Variants in MIPOL1 observed in about 807,000 individuals in gnomAD.
MIPOL1 encodes mirror-image polydactyly 1.
In MIPOL1, 57 loss-of-function variants were observed where a neutral mutation model predicts 60.9. That is an observed-to-expected ratio of 0.94 (90% CI 0.76 to 1.17). The LOEUF is 1.17. Ranked by LOEUF, MIPOL1 falls within the 50% of genes most tolerant of loss-of-function variation. The probability of loss-of-function intolerance (pLI) is 0.00; values close to 1 mark genes in which losing one functional copy is unlikely to be tolerated. For synonymous variants in MIPOL1, 179 were observed against 168.8 expected, an observed-to-expected ratio of 1.06 and a Z score of -0.47; for missense variants, 551 against 511.6, an observed-to-expected ratio of 1.08 and a Z score of -0.74.
chr14:37,375,162 T>A (rs1462208707), intron 10 of MIPOL1, among the ~76,000 whole-genome samples: 1 of 152,082 alleles, frequency 6.6e-6, no homozygotes, highest in Admixed American at 6.6e-5. Flanking sequence ...TGGGAGTTCA[T>A]TCATGATTTG....
chr14:37,529,030 G>C (rs972001586), intron 12 of MIPOL1, among the ~76,000 whole-genome samples: 1 of 152,174 alleles, frequency 6.6e-6, no homozygotes, highest in South Asian at 2.1e-4. Context: ...TACTATGCCT[G>C]TGGGAAGTTT....
At chr14:37,546,837 G>T (rs1289965342) in intron 12 of MIPOL1, 68 bp from the exon 13 acceptor site, 2 of 1,247,254 alleles carry the variant, frequency 1.6e-6, no homozygotes, top group Non-Finnish European at 2.3e-6. Context: ...TCCTTTATCA[G>T]CCAGGACATT....
At chr14:37,229,392 T>G (rs1970271702) in intron 1 of MIPOL1, among the ~76,000 whole-genome samples, 1 of 152,152 alleles carries the variant, frequency 6.6e-6, no homozygotes, top group Admixed American at 6.6e-5. Flanking sequence ...GTGATCTATC[T>G]GCCTTTGGCC....
At chr14:37,315,006 G>A (rs557848202) in intron 9 of MIPOL1, among the ~76,000 whole-genome samples, 1 of 151,182 alleles carries the variant, frequency 6.6e-6, no homozygotes, top group East Asian at 2.0e-4. Context: ...ATATGGAAAT[G>A]TAGATAGTGA....
intron 10 of MIPOL1, among the ~76,000 whole-genome samples, chr14:37,397,773 C>T (rs2093403225): frequency 6.6e-6 from 1 of 152,086 alleles, no homozygotes; most frequent in South Asian, 2.1e-4. Flanking sequence ...CAGTCACAGG[C>T]CTCACCCAGC....
At chr14:37,315,996 A>G (rs2153440833) in intron 9 of MIPOL1, among the ~76,000 whole-genome samples, 1 of 150,080 alleles carries the variant, frequency 6.7e-6, no homozygotes, top group African/African-American at 2.4e-5. Flanking sequence ...GGAAGGCAAG[A>G]GGGGAAATTG....
chr14:37,372,022 T>C (rs1164361597), intron 10 of MIPOL1, among the ~76,000 whole-genome samples: 2 of 152,146 alleles, frequency 1.3e-5, no homozygotes, highest in Non-Finnish European at 2.9e-5. Flanking sequence ...CAGGAACAAC[T>C]CTTTAAAAAC....
chr14:37,330,361 TC>T (rs1315735965), intron 9 of MIPOL1, among the ~76,000 whole-genome samples: 1 of 152,090 alleles, frequency 6.6e-6, no homozygotes, highest in African/African-American at 2.4e-5. Context: ...ATCCATTTAG[TC>T]TCCAAAGAGG....
chr14:37,248,029 C>G, intron 3 of MIPOL1, 122 bp downstream of exon 3: 1 of 862,770 alleles, frequency 1.2e-6, no homozygotes, highest in South Asian at 1.8e-5. Flanking sequence ...CACACACACA[C>G]ACAAAACATG....
At chr14:37,497,412 G>A (rs2095148195) in intron 11 of MIPOL1, among the ~76,000 whole-genome samples, 2 of 152,214 alleles carry the variant, frequency 1.3e-5, no homozygotes, top group Non-Finnish European at 2.9e-5. Context: ...TTTAAATTAG[G>A]CCATATATGT....
chr14:37,307,940 ACT>A, intron 7 of MIPOL1, 114 bp from the exon 8 acceptor site: 3 of 788,358 alleles, frequency 3.8e-6, no homozygotes, highest in Non-Finnish European at 6.4e-6. Context: ...GTCATGGTTG[ACT>A]CTAAAGACTA....
intron 9 of MIPOL1, among the ~76,000 whole-genome samples, chr14:37,335,215 A>G (rs1430236616): frequency 3.3e-5 from 5 of 152,050 alleles, no homozygotes; most frequent in Non-Finnish European, 7.4e-5. Flanking sequence ...GATGTGAGGT[A>G]GTATCTTGTG....
chr14:37,303,707 C>G (rs930738032), intron 7 of MIPOL1, among the ~76,000 whole-genome samples: 6 of 151,754 alleles, frequency 4.0e-5, no homozygotes, highest in African/African-American at 9.7e-5. Flanking sequence ...TTAATTCATT[C>G]AGTAAATATT....
chr14:37,229,663 G>A (rs1006316150), intron 1 of MIPOL1, among the ~76,000 whole-genome samples: 9 of 152,000 alleles, frequency 5.9e-5, no homozygotes, highest in African/African-American at 9.7e-5. Flanking sequence ...AATCTGTTAC[G>A]GTCACTACTG....
intron 12 of MIPOL1, among the ~76,000 whole-genome samples, chr14:37,527,079 G>A (rs2095452587): frequency 6.6e-6 from 1 of 151,794 alleles, no homozygotes; most frequent in Non-Finnish European, 1.5e-5. Context: ...GCCTATTCCT[G>A]ACCGGTTCCC....
intron 10 of MIPOL1, chr14:37,400,608 A>G (rs1347360366): frequency 2.0e-5 from 3 of 152,176 alleles, no homozygotes; most frequent in African/African-American, 4.8e-5. Flanking sequence ...GAAGGAAAAC[A>G]AATACAATTT....
chr14:37,250,403 C>T (rs1973894290), intron 3 of MIPOL1, among the ~76,000 whole-genome samples: 1 of 151,970 alleles, frequency 6.6e-6, no homozygotes, highest in Non-Finnish European at 1.5e-5. Context: ...CACAAATTAG[C>T]TGGGTGTTTT....
At chr14:37,244,413 G>A (rs957860336) in intron 1 of MIPOL1, among the ~76,000 whole-genome samples, 1 of 151,558 alleles carries the variant, frequency 6.6e-6, no homozygotes, top group East Asian at 1.9e-4. Context: ...GAGCCACCAT[G>A]CCCCGCCACT....
At chr14:37,285,475 A>G (rs750695420) in intron 7 of MIPOL1, 28 bp downstream of exon 7, 75 of 1,604,590 alleles carry the variant, frequency 4.7e-5, no homozygotes, top group Non-Finnish European at 6.1e-5. Context: ...ACTCAGTATG[A>G]TATTAGGAAC....
Sources: allele counts gnomAD v4.1 joint callset (sites outside exome capture counted in the v4.1 genomes callset), GRCh38; gene constraint gnomAD v4.1.1; transcripts MANE v1.5; gene names NCBI Gene and HGNC (gene_info 2026-07-23, HGNC 2026-07-21).